IGSF11: variants seen among roughly 807,000 people sequenced by gnomAD.
IGSF11 encodes immunoglobulin superfamily member 11.
Under a neutral mutation model 41.0 loss-of-function variants are expected in IGSF11, and 22 were observed. The observed-to-expected ratio is 0.54, with a 90% confidence interval of 0.38 to 0.77. IGSF11 has a LOEUF of 0.77. Among genes scored for constraint, IGSF11 ranks in the 30% least tolerant of loss-of-function variants. IGSF11 has a pLI of 0.00. For missense variants in IGSF11, 444 were observed against 530.8 expected (o/e 0.84, Z 1.61); for synonymous variants, 219 against 201.3 (o/e 1.09, Z -0.74).
In IGSF11 at chr3:118,902,501, C is replaced by A. The variant is rs1559862760; in HGVS notation, c.*19G>T. On this transcript the variant is annotated 3_prime_UTR_variant, in exon 7 of 7. Coordinates refer to ENST00000393775, the MANE Select transcript of IGSF11 (RefSeq NM_001015887.3). ...GGCATTCCATTTATTCATTTCTGAA[C>A]ACAACATTTCCTCATGTCCTATACC... The A allele has an allele frequency of 1.7e-6, 2 of 1,158,842 alleles. No homozygotes were observed. The highest frequency in any genetic ancestry group is 4.1e-5 in the Admixed American group (2 of 49,186). 71.8% of individuals were successfully genotyped at this position (1,158,842 alleles called of 1,614,324 possible).
chr3:119,088,827 C>G (rs1304516975), intron 1 of IGSF11, among the ~76,000 whole-genome samples: 1 of 152,036 alleles, frequency 6.6e-6, no homozygotes, highest in Non-Finnish European at 1.5e-5. Flanking sequence ...TCTAGGCACA[C>G]AAATTAGAAA....
chr3:119,102,832 T>A (rs1392472434), intron 1 of IGSF11, among the ~76,000 whole-genome samples: 1 of 152,182 alleles, frequency 6.6e-6, no homozygotes, highest in Non-Finnish European at 1.5e-5. Flanking sequence ...TATAATAGTT[T>A]TTTAATTCTC....
intron 1 of IGSF11, among the ~76,000 whole-genome samples, chr3:119,071,014 CA>C (rs2076391174): frequency 6.6e-6 from 1 of 152,082 alleles, no homozygotes; most frequent in Non-Finnish European, 1.5e-5. Flanking sequence ...GTAGCACCCT[CA>C]AAAAAAGCTG....
chr3:119,105,092 G>T, intron 1 of IGSF11: 1 of 1,182,976 alleles, frequency 8.5e-7, no homozygotes, highest in Non-Finnish European at 1.3e-6. Context: ...CAGGCCATAA[G>T]AGATAATAAC....
intron 4 of IGSF11, among the ~76,000 whole-genome samples, chr3:118,906,001 G>A (rs1479977796): frequency 1.3e-5 from 2 of 152,152 alleles, no homozygotes; most frequent in Non-Finnish European, 2.9e-5. Flanking sequence ...AGACTTCCCT[G>A]AGGAAATGGT....
At chr3:119,022,988 A>G (rs931924830) in intron 1 of IGSF11, among the ~76,000 whole-genome samples, 3 of 152,172 alleles carry the variant, frequency 2.0e-5, no homozygotes, top group Admixed American at 1.3e-4. Context: ...TTGGCTGAGC[A>G]CGGTGGCTCA....
At position 119,023,821 on chromosome 3, in the gene IGSF11, G is replaced by A. The variant is rs1207311980; in HGVS notation, c.52+10710C>T. Among the ~76,000 whole-genome samples, 4 of 152,246 alleles carry A rather than the reference G, an allele frequency of 2.6e-5. No homozygotes were observed. The East Asian group carries it at 7.7e-4, about 29-fold the overall frequency. Reference sequence around the variant, plus strand: ...AGAATCTGAGCTGAGAACTCAAAAGGAAGTGCTGAAGACTGCAAATTATTT... The same window carrying A: ...AGAATCTGAGCTGAGAACTCAAAAGAAAGTGCTGAAGACTGCAAATTATTT... On this transcript the variant is annotated intron_variant, in intron 1 of 6. Transcript: ENST00000393775.
intron 1 of IGSF11, among the ~76,000 whole-genome samples, chr3:118,963,957 A>G (rs1387250516): frequency 6.6e-6 from 1 of 152,182 alleles, no homozygotes; most frequent in African/African-American, 2.4e-5. Context: ...TTTTGTTCTT[A>G]GTGATCTCTG....
At chr3:119,027,242 C>T (rs1292262568) in intron 1 of IGSF11, among the ~76,000 whole-genome samples, 2 of 152,172 alleles carry the variant, frequency 1.3e-5, no homozygotes, top group East Asian at 3.8e-4. Flanking sequence ...GAAATGTTCA[C>T]TGATATGGTT....
intron 1 of IGSF11, among the ~76,000 whole-genome samples, chr3:119,112,460 T>C (rs765027316): frequency 6.6e-6 from 1 of 152,178 alleles, no homozygotes; most frequent in Non-Finnish European, 1.5e-5. Flanking sequence ...GCGCAGTATT[T>C]GGGTGGGAGT....
At chr3:118,985,120 A>G (rs1340105613) in intron 1 of IGSF11, among the ~76,000 whole-genome samples, 2 of 152,218 alleles carry the variant, frequency 1.3e-5, no homozygotes, top group African/African-American at 4.8e-5. Flanking sequence ...GCATCAGAAT[A>G]TATGCTGAGC....
chr3:119,081,787 T>C (rs1372566459), intron 1 of IGSF11, among the ~76,000 whole-genome samples: 1 of 152,204 alleles, frequency 6.6e-6, no homozygotes, highest in Non-Finnish European at 1.5e-5. Context: ...TCTTATTCCT[T>C]ACATGGGTAT....
At chr3:119,097,977 T>TTTTTTTTTTTTTTTTTTTTTTTTTC (rs2076881972) in intron 1 of IGSF11, among the ~76,000 whole-genome samples, 1 of 135,730 alleles carries the variant, frequency 7.4e-6, no homozygotes, top group Non-Finnish European at 1.6e-5. Context: ...TTTTTTTTTT[T>TTTTTTTTTTTTTTTTTTTTTTTTTC]TTTTTTTTTA....
intron 4 of IGSF11, among the ~76,000 whole-genome samples, chr3:118,913,734 A>C (rs1940653464): frequency 6.6e-6 from 1 of 152,218 alleles, no homozygotes; most frequent in Non-Finnish European, 1.5e-5. Flanking sequence ...AAAAATGGCA[A>C]ACTTGTGGGT....
chr3:119,099,403 T>C (rs975408785), intron 1 of IGSF11, among the ~76,000 whole-genome samples: 9 of 152,168 alleles, frequency 5.9e-5, no homozygotes, highest in African/African-American at 2.2e-4. Context: ...GAAAGCAAAC[T>C]GTGAGAACAT....
At chr3:119,079,945 C>T (rs1203565873) in intron 1 of IGSF11, among the ~76,000 whole-genome samples, 1 of 152,100 alleles carries the variant, frequency 6.6e-6, no homozygotes, top group Non-Finnish European at 1.5e-5. Context: ...ACGCTCACTA[C>T]CTGGGTAATG....
At chr3:119,028,213 G>C (rs1273218661) in intron 1 of IGSF11, among the ~76,000 whole-genome samples, 1 of 152,062 alleles carries the variant, frequency 6.6e-6, no homozygotes, top group Admixed American at 6.6e-5. Context: ...GGTCCATAAG[G>C]GTATAAATCA....
intron 1 of IGSF11, among the ~76,000 whole-genome samples, chr3:119,100,014 A>G (rs1266481638): frequency 6.6e-6 from 1 of 152,232 alleles, no homozygotes; most frequent in Non-Finnish European, 1.5e-5. Flanking sequence ...CATCCTGGGT[A>G]AGACAGAACG....
intron 1 of IGSF11, among the ~76,000 whole-genome samples, chr3:119,137,101 A>C (rs1197914523): frequency 6.6e-6 from 1 of 152,204 alleles, no homozygotes. Context: ...AAGATATTCC[A>C]TGTTCATGGA....
Sources: gnomAD v4.1 joint callset for allele counts (sites outside exome capture counted in the v4.1 genomes callset) on GRCh38, gnomAD v4.1.1 for gene constraint, MANE v1.5 for transcripts, NCBI Gene and HGNC (gene_info 2026-07-23, HGNC 2026-07-21) for gene names.